Variants in SEC22B observed in about 807,000 individuals in gnomAD.
SEC22B encodes the protein SEC22 homolog B, vesicle trafficking protein, also known as vesicle-trafficking protein SEC22b.
In SEC22B, 10 loss-of-function variants were observed where a neutral mutation model predicts 31.4. That is an observed-to-expected ratio of 0.32 (90% CI 0.20 to 0.54). The LOEUF (loss-of-function observed/expected upper bound fraction) is 0.54. Ranked by LOEUF, SEC22B falls within the 20% of genes least tolerant of loss-of-function variation. The pLI is 0.94. For missense variants in SEC22B, 130 were observed against 263.4 expected (o/e 0.49, Z 3.50); for synonymous variants, 60 against 95.9 (o/e 0.63, Z 2.19).
rs1657564430 is a variant in SEC22B, at chr1:120,152,711, A to G, written c.*4327T>C. 7.2e-6 allele frequency: 1 copy of G among 139,650 alleles called. No homozygotes were observed. The highest frequency in any genetic ancestry group is 6.7e-5 in the Admixed American group (1 of 14,832). The allele number at this position is 139,650 out of a possible 1,614,324, so 8.7% of individuals were successfully genotyped here. ...ATGAAGTAAATTTAAAAAGTACGGA[A>G]TAATAAAAAGAAATTGCAAAAAATA... On this transcript the variant is annotated 3_prime_UTR_variant, in exon 5 of 5. Transcript: ENST00000578049.
At chr1:120,165,479 C>A (rs1347024668) in intron 2 of SEC22B, among the ~76,000 whole-genome samples, 29,260 of 151,878 alleles carry the variant, frequency 0.19, 3,291 homozygotes, top group Non-Finnish European at 0.26. Context: ...TTCTTTTTAG[C>A]CATAGTATAC....
Position 120,176,456 on chromosome 1 carries a change from CA to C in SEC22B, c.-76del, listed in dbSNP as rs1657967442. 1 of 1,303,746 alleles carries C rather than the reference CA, an allele frequency of 7.7e-7. No homozygotes were observed. The highest frequency in any genetic ancestry group is 2.4e-5 in the East Asian group (1 of 41,644). The allele number at this position is 1,303,746 out of a possible 1,614,324, so 80.8% of individuals were successfully genotyped here. On this transcript the variant is annotated 5_prime_UTR_variant, in exon 1 of 5. Transcript: ENST00000578049. The stretch of plus-strand genomic sequence containing the variant: ...GTCCTCACTTCCTCCGCCGCGACAA[CA>C]GTTATACCCTATGTCTCAGTTACCG...
In SEC22B at chr1:120,160,474, G is replaced by C; in HGVS notation, c.403C>G (p.Leu135Val). ...LYIDSRARRN[L>V]GSINTELQDV... ...TGCAATTCAGTGTTGATGGAGCCTA[G>C]ATTTCTTCGAGCACGACTGTCAATG... The change falls in exon 4 of 5, where the codon CTA (leucine) becomes GTA (valine). Residue 135 changes from leucine (L) to valine (V), a missense_variant. By Grantham distance (32) the Leu-to-Val change is conservative (BLOSUM62 1). Around this residue, in one of 4 missense-constraint regions of SEC22B, gnomAD observed 53 missense variants for 63.3 expected, o/e 0.84. Transcript: ENST00000578049. The C allele has an allele frequency of 6.2e-7, 1 of 1,610,184 alleles. No individual in the cohort carries two copies. The highest frequency in any genetic ancestry group is 8.5e-7 in the Non-Finnish European group (1 of 1,177,748).
intron 2 of SEC22B, among the ~76,000 whole-genome samples, chr1:120,163,952 T>TTTTTTC (rs1657762120): frequency 7.3e-6 from 1 of 137,246 alleles, no homozygotes; most frequent in African/African-American, 3.0e-5. Flanking sequence ...TCTCTTTTTT[T>TTTTTTC]TTTTTTTTTT....
chr1:120,166,701 G>A (rs1287789265), intron 2 of SEC22B, among the ~76,000 whole-genome samples: 1 of 149,538 alleles, frequency 6.7e-6, no homozygotes, highest in African/African-American at 2.5e-5. Context: ...TGGATAGGAA[G>A]AATGAGTTCT....
rs1403438909 is a variant in SEC22B, at chr1:120,160,372, G to T, written c.493+12C>A. 6 of 1,599,788 alleles carry T rather than the reference G, an allele frequency of 3.8e-6. No individual in the cohort carries two copies. The African/African-American group carries it at 5.4e-5, about 14-fold the overall frequency. On this transcript the variant is annotated intron_variant, in intron 4 of 4. Transcript: ENST00000578049. Reference sequence around the variant, plus strand: ...GAACCATTTCTTCATAAGACTCATTGCTTTTAGATACCTGAGAGTGCTTCT... The same window carrying T: ...GAACCATTTCTTCATAAGACTCATTTCTTTTAGATACCTGAGAGTGCTTCT...
rs1390741076 is a variant in SEC22B at position 120,160,146 on chromosome 1, T to G, written c.493+238A>C. ...TAATTTAATTAATTTTGTGAATATC[T>G]TAGAAATAATCATTGCTTCTAATAT... is the stretch of plus-strand genomic sequence containing the variant. On this transcript the variant is annotated intron_variant, in intron 4 of 4. Transcript: ENST00000578049. 1.4e-3 allele frequency among the ~76,000 whole-genome samples: 201 copies of G among 148,632 alleles called. 1 individual carries two copies. The Middle Eastern group carries it at 0.014, about 10-fold the overall frequency.
chr1:120,165,353 A>C (rs1657789669), intron 2 of SEC22B, among the ~76,000 whole-genome samples: 1 of 152,120 alleles, frequency 6.6e-6, no homozygotes, highest in African/African-American at 2.4e-5. Flanking sequence ...ACTTATCAAC[A>C]ATGGAACTGA....
At chr1:120,159,672 G>A (rs1203207385) in intron 4 of SEC22B, among the ~76,000 whole-genome samples, 3,073 of 152,088 alleles carry the variant, frequency 0.02, 101 homozygotes, top group African/African-American at 0.07. Flanking sequence ...TTAAAGTACA[G>A]AAGAGATTAA....
At chr1:120,174,160 T>C (rs1422666854) in intron 1 of SEC22B, among the ~76,000 whole-genome samples, 1 of 151,212 alleles carries the variant, frequency 6.6e-6, no homozygotes, top group Admixed American at 6.6e-5. Context: ...AGCTGTGAAT[T>C]TAGGCAAGTG....
intron 1 of SEC22B, 37 bp from the exon 2 acceptor site, chr1:120,168,986 A>G: frequency 2.7e-6 from 2 of 740,034 alleles, no homozygotes; most frequent in South Asian, 3.1e-5. Flanking sequence ...ATTTTCCACA[A>G]AATGCTGTAT....
intron 2 of SEC22B, among the ~76,000 whole-genome samples, chr1:120,167,700 G>A (rs1657833786): frequency 6.6e-6 from 1 of 151,782 alleles, no homozygotes; most frequent in Non-Finnish European, 1.5e-5. Flanking sequence ...TTAAATGCAG[G>A]ACTCAATATA....
chr1:120,169,036 T>C (rs2101131406), intron 1 of SEC22B, 87 bp from the exon 2 acceptor site: 2 of 435,564 alleles, frequency 4.6e-6, no homozygotes, highest in Non-Finnish European at 8.0e-6. Flanking sequence ...ACACTCTGAA[T>C]GAGGTCCTTC....
Position 120,176,487 on chromosome 1 carries a change from TCC to T in SEC22B, c.-108_-107del. ...TACCCTATGTCTCAGTTACCGGAGA[TCC>T]AGCTGCTTGCGTCTCCGCTTCCCGC... On this transcript the variant is annotated 5_prime_UTR_variant, in exon 1 of 5. Transcript: ENST00000578049. The T allele has an allele frequency of 1.0e-6, 1 of 993,390 alleles. No individual in the cohort carries two copies. The highest frequency in any genetic ancestry group is 1.5e-6 in the Non-Finnish European group (1 of 658,498). 61.5% of individuals were successfully genotyped at this position (993,390 alleles called of 1,614,324 possible).
intron 2 of SEC22B, among the ~76,000 whole-genome samples, chr1:120,165,386 C>T (rs1657790266): frequency 6.6e-6 from 1 of 152,096 alleles, no homozygotes; most frequent in Admixed American, 6.6e-5. Context: ...ATGATGAGCG[C>T]CCATGCACTC....
intron 2 of SEC22B, among the ~76,000 whole-genome samples, chr1:120,168,275 A>G (rs1406399991): frequency 2.6e-5 from 4 of 151,520 alleles, no homozygotes; most frequent in African/African-American, 7.3e-5. Flanking sequence ...TTAAAATCCA[A>G]TAATGTTCCT....
intron 3 of SEC22B, 141 bp downstream of exon 3, chr1:120,163,069 G>A: frequency 1.9e-6 from 1 of 518,048 alleles, no homozygotes; most frequent in Non-Finnish European, 3.2e-6. Flanking sequence ...ACAAAAAGAA[G>A]TGGAATGGAA....
chr1:120,163,425 A>T, intron 2 of SEC22B, 55 bp from the exon 3 acceptor site: 3 of 1,241,842 alleles, frequency 2.4e-6, no homozygotes, highest in South Asian at 3.9e-5. Flanking sequence ...AGCACTGACA[A>T]CAGTTTAAAG....
At chr1:120,166,529 C>T (rs1657813968) in intron 2 of SEC22B, among the ~76,000 whole-genome samples, 1 of 140,166 alleles carries the variant, frequency 7.1e-6, no homozygotes, top group Admixed American at 6.8e-5. Flanking sequence ...ATCAGTCATG[C>T]ACAGAAAGAT....
Sources: allele counts gnomAD v4.1 joint callset (sites outside exome capture counted in the v4.1 genomes callset), GRCh38; gene constraint gnomAD v4.1.1; regional missense constraint gnomAD v4.1.1; transcripts MANE v1.5; gene names NCBI Gene and HGNC (gene_info 2026-07-23, HGNC 2026-07-21).